PPARGC1A: variants seen among roughly 807,000 people sequenced by gnomAD.
PPARGC1A encodes PPARG coactivator 1 alpha, also known as peroxisome proliferator-activated receptor gamma coactivator 1-alpha.
Under a neutral mutation model 88.7 loss-of-function variants are expected in PPARGC1A, and 25 were observed. That is an observed-to-expected ratio of 0.28 (90% CI 0.21 to 0.39). PPARGC1A has a LOEUF of 0.39. PPARGC1A is among the 10% of genes least tolerant of loss of function. The pLI is 1.00. For missense variants in PPARGC1A, 880 were observed against 968.7 expected, an observed-to-expected ratio of 0.91 and a Z score of 1.22; for synonymous variants, 363 against 355.6, an observed-to-expected ratio of 1.02 and a Z score of -0.24.
At chr4:24,186,733 G>T in the PPARGC1A span, among the ~76,000 whole-genome samples, 7 of 151,968 alleles carry the variant, frequency 4.6e-5, no homozygotes, top group Non-Finnish European at 5.9e-5. Flanking sequence ...GGGCACGATG[G>T]CTCTTTCAAC....
rs552445620 is a variant in PPARGC1A at position 23,796,750 on chromosome 4, G to C, written c.2294-825C>G. Reference sequence around the variant, plus strand: ...TCTGCTGGTCTTGCAAGTAACAAAGGGGGGCTTGGAAATATAATAAAAAGC... The same window carrying C: ...TCTGCTGGTCTTGCAAGTAACAAAGCGGGGCTTGGAAATATAATAAAAAGC... On this transcript the variant is annotated intron_variant, in intron 12 of 12. Coordinates refer to ENST00000264867, the MANE Select transcript of PPARGC1A (RefSeq NM_013261.5). 1.4e-4 allele frequency among the ~76,000 whole-genome samples: 21 copies of C among 152,124 alleles called. No individual in the cohort carries two copies. The East Asian group carries it at 3.9e-3, about 28-fold the overall frequency.
chr4:24,296,928 CT>C, the PPARGC1A span, among the ~76,000 whole-genome samples: 1,053 of 150,080 alleles, frequency 7.0e-3, 57 homozygotes, highest in East Asian at 0.12. Context: ...CAGCACAACA[CT>C]TTTTTTTTTC....
chr4:24,026,853 C>T, the PPARGC1A span, among the ~76,000 whole-genome samples: 108 of 152,264 alleles, frequency 7.1e-4, no homozygotes, highest in African/African-American at 2.4e-3. Flanking sequence ...AGAGAACTCG[C>T]GCTGCAGGAC....
At chr4:24,154,544 G>T in the PPARGC1A span, among the ~76,000 whole-genome samples, 2 of 152,150 alleles carry the variant, frequency 1.3e-5, no homozygotes, top group Admixed American at 1.3e-4. Context: ...AAAATACATG[G>T]CTAGCCAACC....
At chr4:23,853,908 G>A (rs1203543104) in intron 2 of PPARGC1A, among the ~76,000 whole-genome samples, 1 of 152,110 alleles carries the variant, frequency 6.6e-6, no homozygotes, top group East Asian at 1.9e-4. Context: ...TAGGATTGGG[G>A]ACCTAGGGCA....
At chr4:24,291,685 T>G in the PPARGC1A span, among the ~76,000 whole-genome samples, 1 of 152,296 alleles carries the variant, frequency 6.6e-6, no homozygotes, top group South Asian at 2.1e-4. Context: ...GTGCTCTTCT[T>G]GACCAGCCTG....
chr4:24,035,052 T>A, the PPARGC1A span, among the ~76,000 whole-genome samples: 1 of 152,186 alleles, frequency 6.6e-6, no homozygotes, highest in Admixed American at 6.5e-5. Flanking sequence ...GATAGACCAC[T>A]ACTAGGACTG....
the PPARGC1A span, among the ~76,000 whole-genome samples, chr4:23,971,638 C>A: frequency 6.6e-6 from 1 of 152,160 alleles, no homozygotes; most frequent in African/African-American, 2.4e-5. Flanking sequence ...CATTTTTCTG[C>A]CTGCTGTATA....
At chr4:23,811,542 A>T (rs1261953117) in intron 10 of PPARGC1A, among the ~76,000 whole-genome samples, 1 of 152,254 alleles carries the variant, frequency 6.6e-6, no homozygotes, top group Admixed American at 6.5e-5. Context: ...GAGTTCCATT[A>T]TCGATTAGGA....
At chr4:24,154,630 G>A in the PPARGC1A span, among the ~76,000 whole-genome samples, 8 of 152,112 alleles carry the variant, frequency 5.3e-5, no homozygotes, top group East Asian at 1.9e-4. Flanking sequence ...CGCATGTCCC[G>A]TTCCCTTCTC....
chr4:24,458,230 T>C, the PPARGC1A span, among the ~76,000 whole-genome samples: 1 of 152,214 alleles, frequency 6.6e-6, no homozygotes, highest in Non-Finnish European at 1.5e-5. Context: ...CTGGGCATAG[T>C]GGCTCACATC....
chr4:23,889,314 T>A, intron 1 of PPARGC1A: 2 of 985,352 alleles, frequency 2.0e-6, no homozygotes, highest in Non-Finnish European at 2.4e-6. Flanking sequence ...GCTGGCCAAA[T>A]CTTTCAACCA....
upstream of PPARGC1A, chr4:23,904,124 A>G: frequency 2.4e-6 from 2 of 848,658 alleles, no homozygotes; most frequent in South Asian, 1.1e-4. Context: ...TTTAATTCAC[A>G]AGGGCATGGT....
intron 2 of PPARGC1A, among the ~76,000 whole-genome samples, chr4:23,832,057 GT>G (rs1329304600): frequency 6.6e-6 from 1 of 152,038 alleles, no homozygotes; most frequent in East Asian, 1.9e-4. Context: ...ACTTGCTCAT[GT>G]TTTCTTTCTT....
chr4:24,309,484 G>A, the PPARGC1A span, among the ~76,000 whole-genome samples: 1,759 of 152,268 alleles, frequency 0.012, 38 homozygotes, highest in African/African-American at 0.039. Flanking sequence ...CACAAATGGC[G>A]ATGTGGACCA....
chr4:24,341,501 A>G, the PPARGC1A span, among the ~76,000 whole-genome samples: 25 of 152,222 alleles, frequency 1.6e-4, no homozygotes, highest in Non-Finnish European at 3.1e-4. Context: ...CGGGTGAGGC[A>G]GTAAACAAAC....
chr4:24,271,577 C>T, the PPARGC1A span, among the ~76,000 whole-genome samples: 3 of 152,196 alleles, frequency 2.0e-5, no homozygotes, highest in East Asian at 5.8e-4. Flanking sequence ...TGGGGTTTCA[C>T]CATGTTAGCC....
At chr4:24,331,352 A>G in the PPARGC1A span, among the ~76,000 whole-genome samples, 1 of 151,880 alleles carries the variant, frequency 6.6e-6, no homozygotes, top group South Asian at 2.1e-4. Context: ...CCCTCCACCA[A>G]CAGGCCTATC....
the PPARGC1A span, among the ~76,000 whole-genome samples, chr4:24,345,304 T>C: frequency 6.6e-6 from 1 of 151,906 alleles, no homozygotes; most frequent in African/African-American, 2.4e-5. Flanking sequence ...AGAATGATGG[T>C]AGTATTCTGA....
Sources: gnomAD v4.1 joint callset for allele counts (sites outside exome capture counted in the v4.1 genomes callset) on GRCh38, gnomAD v4.1.1 for gene constraint, MANE v1.5 for transcripts, NCBI Gene and HGNC (gene_info 2026-07-23, HGNC 2026-07-21) for gene names.